NECAB1: variants seen among roughly 807,000 people sequenced by gnomAD.
NECAB1 encodes the protein N-terminal EF-hand calcium-binding protein 1.
Under a neutral mutation model 57.5 loss-of-function variants are expected in NECAB1, and 29 were observed. That is an observed-to-expected ratio of 0.50 (90% CI 0.38 to 0.69). NECAB1 has a LOEUF of 0.69. Among genes scored for constraint, NECAB1 ranks in the 30% least tolerant of loss-of-function variants. The pLI, the probability that NECAB1 is intolerant of heterozygous loss-of-function variation, is 0.00. For synonymous variants in NECAB1, 142 were observed against 147.7 expected (o/e 0.96, Z 0.28); for missense variants, 372 against 413.8 (o/e 0.90, Z 0.88).
At chr8:90,857,464 T>G (rs1262039348) in intron 3 of NECAB1, among the ~76,000 whole-genome samples, 1 of 152,202 alleles carries the variant, frequency 6.6e-6, no homozygotes, top group Non-Finnish European at 1.5e-5. Context: ...CAAAGGATTT[T>G]CCCTTGTGAA....
intron 3 of NECAB1, among the ~76,000 whole-genome samples, chr8:90,855,999 C>G (rs908621140): frequency 6.6e-6 from 1 of 151,918 alleles, no homozygotes; most frequent in Non-Finnish European, 1.5e-5. Context: ...ATAGGGAGTC[C>G]GGGGGGTAAG....
intron 6 of NECAB1, among the ~76,000 whole-genome samples, chr8:90,917,970 GTGTGTGTATATATATACATATA>G (rs1810014773): frequency 1.5e-5 from 1 of 65,942 alleles, no homozygotes; most frequent in Non-Finnish European, 2.8e-5. Context: ...ACATATGTGT[GTGTGTGTATATATATACATATA>G]TGTGTGTGTG....
intron 12 of NECAB1, among the ~76,000 whole-genome samples, chr8:90,954,055 C>A (rs181310007): frequency 2.0e-5 from 3 of 146,702 alleles, no homozygotes; most frequent in Non-Finnish European, 4.5e-5. Flanking sequence ...GGTGACAGAA[C>A]GAGACTGTCT....
intron 3 of NECAB1, among the ~76,000 whole-genome samples, chr8:90,856,381 C>CGAA (rs1450575502): frequency 6.6e-6 from 1 of 151,936 alleles, no homozygotes; most frequent in East Asian, 1.9e-4. Context: ...AATGATATCC[C>CGAA]GAAGTCTAAT....
intron 6 of NECAB1, among the ~76,000 whole-genome samples, chr8:90,924,686 A>G (rs1169095001): frequency 6.6e-6 from 1 of 152,174 alleles, no homozygotes; most frequent in Non-Finnish European, 1.5e-5. Context: ...CGATCCAGCT[A>G]CCATGTTCAC....
At chr8:90,932,257 T>A (rs1440218549) in intron 8 of NECAB1, among the ~76,000 whole-genome samples, 1 of 152,226 alleles carries the variant, frequency 6.6e-6, no homozygotes, top group Non-Finnish European at 1.5e-5. Context: ...CATATAATTT[T>A]GCCCTCATAG....
intron 5 of NECAB1, chr8:90,903,938 A>G (rs1428450754): frequency 6.6e-6 from 1 of 152,202 alleles, no homozygotes; most frequent in African/African-American, 2.4e-5. Flanking sequence ...GATTCTGATA[A>G]CAACCTTCTG....
chr8:90,949,681 C>A (rs1158789486), intron 10 of NECAB1, 126 bp from the exon 11 acceptor site: 41 of 471,354 alleles, frequency 8.7e-5, no homozygotes, highest in Non-Finnish European at 1.5e-4. Flanking sequence ...GATTTTCATG[C>A]AGGCACCTTA....
intron 3 of NECAB1, among the ~76,000 whole-genome samples, chr8:90,851,538 C>G (rs917720943): frequency 6.6e-6 from 1 of 151,930 alleles, no homozygotes; most frequent in Non-Finnish European, 1.5e-5. Context: ...AAGGAAAAAC[C>G]CCATACATTT....
chr8:90,881,128 AAAGT>A lies in NECAB1; in HGVS notation c.357+2_357+5del. 1 of 1,575,782 alleles carries A rather than the reference AAAGT, an allele frequency of 6.3e-7. No homozygotes were observed. The highest frequency in any genetic ancestry group is 8.6e-7 in the Non-Finnish European group (1 of 1,156,876). On this transcript the variant is annotated splice_donor_variant and coding_sequence_variant, in exon 5 of 13. Coordinates refer to ENST00000417640, the MANE Select transcript of NECAB1 (RefSeq NM_022351.5). LOFTEE classifies it high-confidence loss of function. ...CCTGAAGGCAATGGGCAAAACAAAGAAAGTAAGAAAATGTTAATGTTTATTTTCT... is the reference window on the plus strand; with the variant it reads ...CCTGAAGGCAATGGGCAAAACAAAGAAAGAAAATGTTAATGTTTATTTTCT...
At chr8:90,943,470 T>C (rs1267564557) in intron 10 of NECAB1, among the ~76,000 whole-genome samples, 2 of 152,240 alleles carry the variant, frequency 1.3e-5, no homozygotes, top group Non-Finnish European at 2.9e-5. Context: ...ATAGATGTTA[T>C]GCCAGTGTGT....
chr8:90,892,372 T>C (rs1377192933), intron 5 of NECAB1, among the ~76,000 whole-genome samples: 1 of 152,224 alleles, frequency 6.6e-6, no homozygotes, highest in East Asian at 1.9e-4. Flanking sequence ...TAAACATTGA[T>C]AGCATCATAA....
At chr8:90,843,412 C>T (rs1012360047) in intron 3 of NECAB1, among the ~76,000 whole-genome samples, 2 of 152,174 alleles carry the variant, frequency 1.3e-5, no homozygotes, top group African/African-American at 2.4e-5. Context: ...AGAGAAGGAT[C>T]TTTTTATGCT....
chr8:90,803,255 T>A (rs1251395335), intron 2 of NECAB1, among the ~76,000 whole-genome samples: 1 of 152,184 alleles, frequency 6.6e-6, no homozygotes, highest in African/African-American at 2.4e-5. Flanking sequence ...TCTCATCTCA[T>A]CCTTTGGTCT....
At chr8:90,798,467 A>G (rs1473872638) in intron 1 of NECAB1, among the ~76,000 whole-genome samples, 1 of 152,112 alleles carries the variant, frequency 6.6e-6, no homozygotes, top group Non-Finnish European at 1.5e-5. Flanking sequence ...TCCCTCTATT[A>G]GTCCCCAGTG....
intron 5 of NECAB1, among the ~76,000 whole-genome samples, chr8:90,916,049 A>G (rs1218091225): frequency 6.6e-6 from 1 of 152,164 alleles, no homozygotes; most frequent in East Asian, 1.9e-4. Flanking sequence ...TCCTTTGGCA[A>G]CACCCTCACA....
intron 6 of NECAB1, 28 bp from the exon 7 acceptor site, chr8:90,925,507 A>T (rs1172619112): frequency 1.2e-6 from 2 of 1,607,064 alleles, no homozygotes; most frequent in African/African-American, 1.3e-5. Flanking sequence ...ACTAACATTA[A>T]GGTTAAATGT....
intron 7 of NECAB1, 136 bp downstream of exon 7, chr8:90,925,792 G>A (rs2130168119): frequency 8.3e-7 from 1 of 1,211,072 alleles, no homozygotes; most frequent in Non-Finnish European, 1.1e-6. Context: ...TGAGACAGAA[G>A]CAGTGAAGAG....
intron 3 of NECAB1, among the ~76,000 whole-genome samples, chr8:90,842,801 G>T (rs563526261): frequency 1.3e-5 from 2 of 152,328 alleles, no homozygotes; most frequent in East Asian, 3.9e-4. Context: ...TGTGTGCCTT[G>T]AGTTTCACTA....
Sources: gnomAD v4.1 joint callset for allele counts (sites outside exome capture counted in the v4.1 genomes callset) on GRCh38, gnomAD v4.1.1 for gene constraint, MANE v1.5 for transcripts, NCBI Gene and HGNC (gene_info 2026-07-23, HGNC 2026-07-21) for gene names.